Variants in LMBR1 observed in about 807,000 individuals in gnomAD.
LMBR1 encodes the protein limb development membrane protein 1.
LMBR1 carries 52 observed loss-of-function variants against 73.9 expected under a neutral mutation model. The ratio of observed to expected loss-of-function variants is 0.70; its 90% CI spans 0.56 to 0.89. The LOEUF (loss-of-function observed/expected upper bound fraction) is 0.89, where lower values mean the gene tolerates loss of function less well. Ranked by LOEUF, LMBR1 falls within the 40% of genes least tolerant of loss-of-function variation. LMBR1 has a pLI of 0.00. For missense variants in LMBR1, 539 were observed against 579.8 expected (o/e 0.93, Z 0.72); for synonymous variants, 215 against 209.4 (o/e 1.03, Z -0.23).
intron 5 of LMBR1, among the ~76,000 whole-genome samples, chr7:156,776,326 A>G (rs1826130786): frequency 6.6e-6 from 1 of 152,050 alleles, no homozygotes; most frequent in South Asian, 2.1e-4. Context: ...GACCATCTAC[A>G]AACCTATAAG....
intron 9 of LMBR1, among the ~76,000 whole-genome samples, chr7:156,743,359 G>T (rs1246747971): frequency 6.6e-6 from 1 of 152,046 alleles, no homozygotes. Context: ...CATCTTTTTA[G>T]GTTTATGCCT....
intron 15 of LMBR1, among the ~76,000 whole-genome samples, chr7:156,707,897 T>C (rs888023790): frequency 3.3e-5 from 5 of 152,140 alleles, no homozygotes; most frequent in Non-Finnish European, 7.4e-5. Flanking sequence ...GGTTAAGTTA[T>C]CCCTGTTCGT....
rs202216521 is a variant in LMBR1 at position 156,747,607 on chromosome 7, T to TA, written c.757+8785dup. 1.6e-3 allele frequency among the ~76,000 whole-genome samples: 239 copies of TA among 152,310 alleles called. 4 individuals are homozygous for TA. The East Asian group carries it at 0.04, about 26-fold the overall frequency. ...CCTAAACAATTCAGTGTCCTAAACT[T>TA]AGTCTCATAATGAGTACTATTTGGA... On this transcript the variant is annotated intron_variant, in intron 9 of 16. Transcript: ENST00000353442.
At chr7:156,817,287 G>A (rs1200562850) in intron 4 of LMBR1, among the ~76,000 whole-genome samples, 2 of 152,048 alleles carry the variant, frequency 1.3e-5, no homozygotes, top group Non-Finnish European at 2.9e-5. Flanking sequence ...TCAGAGTTCA[G>A]CCATACTCAA....
At chr7:156,728,151 C>A (rs551470318) in intron 11 of LMBR1, 144 bp from the exon 12 acceptor site, 72 of 591,050 alleles carry the variant, frequency 1.2e-4, no homozygotes, top group African/African-American at 9.5e-4. Flanking sequence ...AGTAATCAGA[C>A]TACAAACAAG....
intron 1 of LMBR1, among the ~76,000 whole-genome samples, chr7:156,847,797 T>C (rs1795704439): frequency 6.6e-6 from 1 of 152,068 alleles, no homozygotes; most frequent in Non-Finnish European, 1.5e-5. Flanking sequence ...CAACAAGAAC[T>C]CTCATTAATT....
intron 4 of LMBR1, among the ~76,000 whole-genome samples, chr7:156,818,041 A>G (rs1360038274): frequency 6.6e-6 from 1 of 152,196 alleles, no homozygotes; most frequent in Non-Finnish European, 1.5e-5. Context: ...ATTATGATAA[A>G]TGACTGAACT....
At chr7:156,741,546 G>A (rs747541595) in intron 9 of LMBR1, among the ~76,000 whole-genome samples, 6 of 152,138 alleles carry the variant, frequency 3.9e-5, no homozygotes, top group Non-Finnish European at 8.8e-5. Flanking sequence ...AGAAATGTAA[G>A]AAGAGACACA....
intron 15 of LMBR1, among the ~76,000 whole-genome samples, chr7:156,699,692 C>T (rs1809187890): frequency 6.6e-6 from 1 of 152,012 alleles, no homozygotes; most frequent in Non-Finnish European, 1.5e-5. Context: ...CTACAATGAA[C>T]TCAAACAAAT....
intron 2 of LMBR1, among the ~76,000 whole-genome samples, chr7:156,835,819 G>A (rs1586125731): frequency 6.6e-6 from 1 of 151,936 alleles, no homozygotes; most frequent in East Asian, 1.9e-4. Flanking sequence ...CACCACTCCT[G>A]CGTTACTCTA....
intron 1 of LMBR1, among the ~76,000 whole-genome samples, chr7:156,883,564 A>G (rs1801425412): frequency 6.6e-6 from 1 of 152,236 alleles, no homozygotes; most frequent in South Asian, 2.1e-4. Flanking sequence ...GGAATCTCCT[A>G]TGGCTGCTGT....
chr7:156,774,279 G>A (rs1825737130), intron 5 of LMBR1, among the ~76,000 whole-genome samples: 2 of 152,172 alleles, frequency 1.3e-5, no homozygotes, highest in African/African-American at 4.8e-5. Flanking sequence ...ATATAAATTA[G>A]TTCAGCCATG....
rs1419639708 is a variant in LMBR1 at position 156,826,736 on chromosome 7, AAAAACAAC to A, written c.180_187del (p.Leu61GlufsTer23). Reference sequence around the variant, plus strand: ...TGACACTGCGAGAGTGAACGTGCTCAAAAACAACCTGGAAGAAAGGAGAGTCACCATCA... The same window carrying A: ...TGACACTGCGAGAGTGAACGTGCTCACTGGAAGAAAGGAGAGTCACCATCA... On this transcript the variant is annotated frameshift_variant and splice_region_variant, in exon 4 of 17. Transcript: ENST00000353442. LOFTEE classifies it high-confidence loss of function. The A allele has an allele frequency of 1.9e-6, 3 of 1,606,460 alleles. No homozygotes were observed. Among genetic ancestry groups the A allele is most frequent in the Non-Finnish European group, 2.6e-6 (3 of 1,175,754 alleles).
chr7:156,702,605 C>A (rs922928554), intron 15 of LMBR1, among the ~76,000 whole-genome samples: 2 of 152,044 alleles, frequency 1.3e-5, no homozygotes, highest in Admixed American at 1.3e-4. Context: ...CTGACACAAC[C>A]AATTTAGAAG....
chr7:156,806,472 AC>A (rs1832103222), intron 4 of LMBR1, among the ~76,000 whole-genome samples: 1 of 149,130 alleles, frequency 6.7e-6, no homozygotes, highest in African/African-American at 2.5e-5. Flanking sequence ...TTTAAAAAAA[AC>A]CTCCAGAATG....
chr7:156,785,432 C>T (rs10281230), intron 5 of LMBR1, among the ~76,000 whole-genome samples: 1 of 152,102 alleles, frequency 6.6e-6, no homozygotes, highest in Non-Finnish European at 1.5e-5. Context: ...ATATGCTTCA[C>T]GCAAGCCAAA....
intron 4 of LMBR1, among the ~76,000 whole-genome samples, chr7:156,803,300 T>G (rs1206084410): frequency 1.3e-5 from 2 of 150,178 alleles, no homozygotes; most frequent in African/African-American, 4.9e-5. Context: ...CAAACAAATT[T>G]ACAGGAAAAA....
intron 4 of LMBR1, among the ~76,000 whole-genome samples, chr7:156,824,324 A>G (rs1835300772): frequency 6.6e-6 from 1 of 152,192 alleles, no homozygotes; most frequent in African/African-American, 2.4e-5. Context: ...TTGCTAAGGT[A>G]GCATCACCTA....
intron 5 of LMBR1, among the ~76,000 whole-genome samples, chr7:156,783,748 A>T (rs1330977750): frequency 3.9e-5 from 6 of 152,298 alleles, no homozygotes; most frequent in African/African-American, 1.4e-4. Flanking sequence ...ATTAGGACTC[A>T]TGTACAGGTA....
Sources: allele counts gnomAD v4.1 joint callset (sites outside exome capture counted in the v4.1 genomes callset), GRCh38; gene constraint gnomAD v4.1.1; transcripts MANE v1.5; gene names NCBI Gene and HGNC (gene_info 2026-07-23, HGNC 2026-07-21).